ZNF701: variants seen among roughly 807,000 people sequenced by gnomAD.
ZNF701 encodes the protein zinc finger protein 701.
Under a neutral mutation model 7.1 loss-of-function variants are expected in ZNF701, and 6 were observed. The ratio of observed to expected loss-of-function variants is 0.84; its 90% CI spans 0.46 to 1.66. The LOEUF is 1.66. ZNF701 is among the 40% of genes most tolerant of loss of function. The pLI, the probability that ZNF701 is intolerant of heterozygous loss-of-function variation, is 0.01. For synonymous variants in ZNF701, 166 were observed against 188.2 expected (o/e 0.88, Z 0.97); for missense variants, 541 against 559.2 (o/e 0.97, Z 0.33).
the ZNF701 span, among the ~76,000 whole-genome samples, chr19:52,599,857 A>G: frequency 6.6e-6 from 1 of 152,262 alleles, no homozygotes; most frequent in East Asian, 1.9e-4. Context: ...TAAAACTCAC[A>G]CTTGCCAAAA....
intron 3 of ZNF701, among the ~76,000 whole-genome samples, chr19:52,579,979 T>C (rs1358056927): frequency 7.0e-6 from 1 of 143,140 alleles, no homozygotes; most frequent in Non-Finnish European, 1.5e-5. Context: ...TCTCGCTCTG[T>C]AGCCCAGGCT....
rs937679920 is a variant in ZNF701, at chr19:52,584,583, A to G, written c.*1126A>G. On this transcript the variant is annotated 3_prime_UTR_variant, in exon 4 of 4. Transcript: ENST00000391785. ...TCCAAACCATCAATGTGGGTTGTAT[A>G]TATATGTTTTTAATCATTTTGGTTA... 6.6e-6 allele frequency: 1 copy of G among 152,196 alleles called. No homozygotes were observed. Among genetic ancestry groups the G allele is most frequent in the Non-Finnish European group, 1.5e-5 (1 of 68,042 alleles). 9.4% of individuals were successfully genotyped at this position (152,196 alleles called of 1,614,324 possible).
intron 3 of ZNF701, among the ~76,000 whole-genome samples, chr19:52,579,170 A>C (rs1240670310): frequency 6.9e-6 from 1 of 143,912 alleles, no homozygotes; most frequent in Non-Finnish European, 1.5e-5. Context: ...TTCCGACAAA[A>C]ATAAAAAAAG....
At position 52,585,468 on chromosome 19, in the gene ZNF701, T is replaced by A. The variant is rs2146999740; in HGVS notation, c.*2011T>A. On this transcript the variant is annotated 3_prime_UTR_variant, in exon 4 of 4. Coordinates refer to ENST00000391785, the MANE Select transcript of ZNF701 (RefSeq NM_018260.3). Reference sequence around the variant, plus strand: ...GTGCTTCTCCTGGAGGCAACCCTCTTTTTCCACCCTCGCCCTGTTGTTCCC... The same window carrying A: ...GTGCTTCTCCTGGAGGCAACCCTCTATTTCCACCCTCGCCCTGTTGTTCCC... 1 of 152,096 alleles carries A rather than the reference T, an allele frequency of 6.6e-6. No homozygotes were observed. Among genetic ancestry groups the A allele is most frequent in the Non-Finnish European group, 1.5e-5 (1 of 68,008 alleles). 9.4% of individuals were successfully genotyped at this position (152,096 alleles called of 1,614,324 possible).
chr19:52,584,799 T>A lies in ZNF701; in HGVS notation c.*1342T>A, dbSNP rs1485643592. Reference sequence around the variant, plus strand: ...CAAATCCACTGAATGTGTTGATTAGTTCCAGTAGTATTTTGGTTGACTCAG... The same window carrying A: ...CAAATCCACTGAATGTGTTGATTAGATCCAGTAGTATTTTGGTTGACTCAG... On this transcript the variant is annotated 3_prime_UTR_variant, in exon 4 of 4. Coordinates refer to ENST00000391785, the MANE Select transcript of ZNF701 (RefSeq NM_018260.3). The A allele has an allele frequency of 6.6e-6, 1 of 152,262 alleles. No homozygotes were observed. The highest frequency in any genetic ancestry group is 1.5e-5 in the Non-Finnish European group (1 of 68,054). The allele number at this position is 152,262 out of a possible 1,614,324, so 9.4% of individuals were successfully genotyped here.
chr19:52,588,276 A>C (rs2060023082), downstream of ZNF701, among the ~76,000 whole-genome samples: 1 of 152,040 alleles, frequency 6.6e-6, no homozygotes, highest in Non-Finnish European at 1.5e-5. Context: ...TCTCAAGGTC[A>C]GGAGATCGAG....
intron 1 of ZNF701, among the ~76,000 whole-genome samples, chr19:52,571,298 G>A (rs1407302803): frequency 1.3e-5 from 2 of 151,926 alleles, no homozygotes; most frequent in African/African-American, 4.8e-5. Flanking sequence ...TGGTGCTGGT[G>A]GCAAGGAGAA....
At chr19:52,574,207 G>C (rs970460045) in intron 2 of ZNF701, 45 bp downstream of exon 2, 27 of 1,600,792 alleles carry the variant, frequency 1.7e-5, no homozygotes, top group Non-Finnish European at 2.3e-5. Flanking sequence ...CTTCCTTTCA[G>C]AAATGCTGAT....
chr19:52,581,585 G>T (rs532091532), intron 3 of ZNF701, among the ~76,000 whole-genome samples: 1 of 152,190 alleles, frequency 6.6e-6, no homozygotes, highest in Admixed American at 6.5e-5. Flanking sequence ...CGATGTTGGC[G>T]CACTGCAACC....
At chr19:52,582,056 A>G in intron 3 of ZNF701, 146 bp from the exon 4 acceptor site, 1 of 628,926 alleles carries the variant, frequency 1.6e-6, no homozygotes, top group Non-Finnish European at 2.5e-6. Flanking sequence ...TTATTAAAGG[A>G]TCTTACTCCT....
chr19:52,578,768 T>C (rs1426383619), intron 3 of ZNF701, among the ~76,000 whole-genome samples: 2 of 152,248 alleles, frequency 1.3e-5, no homozygotes, highest in African/African-American at 2.4e-5. Flanking sequence ...ATTTCTTTTA[T>C]TTTTGTTGAA....
intron 3 of ZNF701, 132 bp downstream of exon 3, chr19:52,576,153 C>T: frequency 3.9e-6 from 6 of 1,548,364 alleles, no homozygotes; most frequent in Non-Finnish European, 5.2e-6. Flanking sequence ...TGAAAAGCTT[C>T]ATGATGTAGC....
In ZNF701 at chr19:52,581,419, C is replaced by T. The variant is rs998596489; in HGVS notation, c.143-783C>T. ...ATGTTTAGTAGAGAAGAGGTTTTGC[C>T]ATGTTGGCCAGGCTGGTCTCGAACT... On this transcript the variant is annotated intron_variant, in intron 3 of 3. Coordinates refer to ENST00000391785, the MANE Select transcript of ZNF701 (RefSeq NM_018260.3). Among the ~76,000 whole-genome samples, 141 of 152,054 alleles carry T rather than the reference C, an allele frequency of 9.3e-4. 2 individuals are homozygous for T. The highest frequency in any genetic ancestry group is 3.0e-3 in the African/African-American group (125 of 41,514).
Position 52,583,190 on chromosome 19 carries a change from T to C in ZNF701, c.1131T>C (p.Thr377=). 1 of 1,613,928 alleles carries C rather than the reference T, an allele frequency of 6.2e-7. No individual in the cohort carries two copies. Among genetic ancestry groups the C allele is most frequent in the African/African-American group, 1.3e-5 (1 of 75,036 alleles). ...SHLAQHTVIH[T]GEKPYKCNEC... is the part of the protein sequence containing the mutation. ...TGGCACAACATACTGTAATTCACACTGGAGAGAAACCTTACAAGTGTAATG... is the reference window on the plus strand; with the variant it reads ...TGGCACAACATACTGTAATTCACACCGGAGAGAAACCTTACAAGTGTAATG... Residue 377 remains threonine, a synonymous_variant, in exon 4 of 4, where the codon ACT becomes ACC. Transcript: ENST00000391785.
At chr19:52,590,988 C>T (rs1009806677), downstream of ZNF701, among the ~76,000 whole-genome samples, 10 of 151,982 alleles carry the variant, frequency 6.6e-5, no homozygotes, top group Non-Finnish European at 1.5e-4. Flanking sequence ...TACAGGCACG[C>T]ACCACCATGC....
chr19:52,570,602 T>G (rs973846781), intron 1 of ZNF701: 2 of 152,204 alleles, frequency 1.3e-5, no homozygotes, highest in African/African-American at 4.8e-5. Context: ...TTTTAACTCC[T>G]CCCTCCCCGC....
At chr19:52,594,677 CTATTTCTGTATTTT>C in the ZNF701 span, among the ~76,000 whole-genome samples, 1 of 152,006 alleles carries the variant, frequency 6.6e-6, no homozygotes, top group Non-Finnish European at 1.5e-5. Flanking sequence ...CCAAGCCCGG[CTATTTCTGTATTTT>C]TAATAGAGAC....
At chr19:52,578,680 T>C (rs1485068962) in intron 3 of ZNF701, among the ~76,000 whole-genome samples, 1 of 152,234 alleles carries the variant, frequency 6.6e-6, no homozygotes, top group Non-Finnish European at 1.5e-5. Context: ...TTAAACAGTT[T>C]TGTCTTTTAG....
chr19:52,572,141 C>G, intron 1 of ZNF701: 1 of 307,080 alleles, frequency 3.3e-6, no homozygotes, highest in South Asian at 2.4e-5. Flanking sequence ...ACCACCTTTA[C>G]CTCCCGGTTT....
Sources: gnomAD v4.1 joint callset for allele counts (sites outside exome capture counted in the v4.1 genomes callset) on GRCh38, gnomAD v4.1.1 for gene constraint, MANE v1.5 for transcripts, NCBI Gene and HGNC (gene_info 2026-07-23, HGNC 2026-07-21) for gene names.